NCOR1: variants seen among roughly 807,000 people sequenced by gnomAD.
The protein encoded by NCOR1 is nuclear receptor corepressor 1, also known as protein phosphatase 1, regulatory subunit 109.
In NCOR1, 63 loss-of-function variants were observed where a neutral mutation model predicts 288.1. That is an observed-to-expected ratio of 0.22 (90% CI 0.18 to 0.27). The LOEUF (loss-of-function observed/expected upper bound fraction) is 0.27. Among genes scored for constraint, NCOR1 ranks in the 10% least tolerant of loss-of-function variants. The probability of loss-of-function intolerance (pLI) is 1.00; values close to 1 mark genes in which losing one functional copy is unlikely to be tolerated. For synonymous variants in NCOR1, 1,007 were observed against 1,065.9 expected (o/e 0.94, Z 1.08); for missense variants, 2,397 against 3,019.2 (o/e 0.79, Z 4.83).
intron 1 of NCOR1, chr17:16,198,199 T>C (rs1179854240): frequency 1.3e-5 from 2 of 150,516 alleles, no homozygotes; most frequent in Non-Finnish European, 2.9e-5. Flanking sequence ...CTACTAAAAA[T>C]ACAAAAAAAT....
At chr17:16,117,639 A>T (rs1198245062) in intron 18 of NCOR1, among the ~76,000 whole-genome samples, 1 of 152,038 alleles carries the variant, frequency 6.6e-6, no homozygotes, top group Non-Finnish European at 1.5e-5. Flanking sequence ...CCTGGCCAAC[A>T]TGGTGAAACA....
intron 5 of NCOR1, among the ~76,000 whole-genome samples, chr17:16,164,050 G>C (rs922086771): frequency 6.6e-6 from 1 of 152,058 alleles, no homozygotes; most frequent in African/African-American, 2.4e-5. Context: ...TGATAAAAAT[G>C]TTCTAGAATT....
intron 7 of NCOR1, 143 bp from the exon 8 acceptor site, chr17:16,152,141 TA>T (rs761608602): frequency 9.7e-5 from 50 of 513,646 alleles, no homozygotes; most frequent in South Asian, 7.0e-4. Context: ...TCCAAACTTT[TA>T]TTTTTTTATT....
chr17:16,058,045 A>G lies in NCOR1; in HGVS notation c.6030T>C (p.Tyr2010=). Residue 2010 remains tyrosine (Y), a synonymous_variant, in exon 39 of 46, where the codon TAT becomes TAC. Coordinates refer to ENST00000268712, the MANE Select transcript of NCOR1 (RefSeq NM_006311.4). ...NQAENDPTRQ[Y]EGPLHHYRPQ... is the part of the protein sequence containing the mutation. ...GTCGATAGTGATGTAATGGTCCTTC[A>G]TATTGTCTGGTAGGATCATCTAGGA... is the stretch of plus-strand genomic sequence containing the variant. The G allele has an allele frequency of 6.2e-7, 1 of 1,614,082 alleles. No homozygotes were observed.
intron 1 of NCOR1, among the ~76,000 whole-genome samples, chr17:16,211,775 T>G (rs1179303946): frequency 6.6e-6 from 1 of 152,022 alleles, no homozygotes; most frequent in Non-Finnish European, 1.5e-5. Context: ...AAGAACAGTA[T>G]AAGTGTTCAA....
chr17:16,030,961 A>G lies in NCOR1; in HGVS notation c.*1335T>C. Reference sequence around the variant, plus strand: ...TCTGTTTCTCCCCTTTCCAGTTACCAGTGGCATTCTCCCAAAACTGTTAGT... The same window carrying G: ...TCTGTTTCTCCCCTTTCCAGTTACCGGTGGCATTCTCCCAAAACTGTTAGT... On this transcript the variant is annotated 3_prime_UTR_variant, in exon 46 of 46. Coordinates refer to ENST00000268712, the MANE Select transcript of NCOR1 (RefSeq NM_006311.4). The G allele has an allele frequency of 5.1e-6, 1 of 196,562 alleles. No individual in the cohort carries two copies. Among genetic ancestry groups the G allele is most frequent in the Non-Finnish European group, 1.1e-5 (1 of 94,640 alleles). The allele number at this position is 196,562 out of a possible 1,614,324, so 12.2% of individuals were successfully genotyped here. A position where few individuals can be genotyped will look rare whatever the true frequency, so the allele number is the denominator to read the frequency against.
intron 1 of NCOR1, chr17:16,198,819 TTTAAG>T (rs1483670904): frequency 7.9e-5 from 12 of 152,160 alleles, no homozygotes; most frequent in African/African-American, 2.7e-4. Flanking sequence ...TAAAACATGC[TTTAAG>T]TTATCTATCT....
At chr17:16,051,837 G>A (rs916675511) in intron 40 of NCOR1, among the ~76,000 whole-genome samples, 9 of 152,104 alleles carry the variant, frequency 5.9e-5, no homozygotes, top group African/African-American at 1.9e-4. Flanking sequence ...GCTTGAACCA[G>A]GAGGCAGACG....
intron 18 of NCOR1, among the ~76,000 whole-genome samples, chr17:16,113,127 G>A (rs1280194343): frequency 4.6e-5 from 7 of 151,790 alleles, no homozygotes; most frequent in Admixed American, 4.6e-4. Flanking sequence ...ATGTTAGCCA[G>A]GATGGTCTCG....
chr17:16,169,263 C>CAA (rs1412377811), intron 4 of NCOR1, among the ~76,000 whole-genome samples: 1 of 148,688 alleles, frequency 6.7e-6, no homozygotes, highest in South Asian at 2.1e-4. Flanking sequence ...CAAGGAGCAG[C>CAA]AAAAAAACAA....
At chr17:16,190,500 ATTT>A (rs762563718) in intron 2 of NCOR1, among the ~76,000 whole-genome samples, 2 of 139,716 alleles carry the variant, frequency 1.4e-5, no homozygotes, top group East Asian at 2.1e-4. Flanking sequence ...ACACCCAGCT[ATTT>A]TTTTTTTTTT....
chr17:16,077,632 GGAAAA>G (rs1283116288), intron 26 of NCOR1, among the ~76,000 whole-genome samples: 1 of 148,626 alleles, frequency 6.7e-6, no homozygotes, highest in African/African-American at 2.5e-5. Flanking sequence ...AGGGAGGAAG[GGAAAA>G]GAAAAGAGAA....
chr17:16,112,320 CTTA>C (rs1359920354), intron 18 of NCOR1, among the ~76,000 whole-genome samples: 1 of 152,140 alleles, frequency 6.6e-6, no homozygotes, highest in African/African-American at 2.4e-5. Context: ...CTCTCACATT[CTTA>C]TTATTAACCT....
At chr17:16,119,511 G>A in intron 16 of NCOR1, 26 bp from the exon 17 acceptor site, 1 of 1,513,642 alleles carries the variant, frequency 6.6e-7, no homozygotes, top group South Asian at 1.2e-5. Context: ...AACCCAATCA[G>A]GCAGAGAAAA....
At chr17:16,142,679 A>G (rs2077322343) in intron 11 of NCOR1, among the ~76,000 whole-genome samples, 1 of 152,222 alleles carries the variant, frequency 6.6e-6, no homozygotes, top group Non-Finnish European at 1.5e-5. Flanking sequence ...CTGATCATAA[A>G]TATTTATTAA....
chr17:16,055,960 GA>G (rs1423238191), intron 40 of NCOR1, among the ~76,000 whole-genome samples: 2 of 152,172 alleles, frequency 1.3e-5, no homozygotes, highest in Non-Finnish European at 2.9e-5. Context: ...GGATGAAAAT[GA>G]AACAAAACTC....
At chr17:16,170,779 T>A (rs1367799750) in intron 4 of NCOR1, among the ~76,000 whole-genome samples, 1 of 149,884 alleles carries the variant, frequency 6.7e-6, no homozygotes, top group Non-Finnish European at 1.5e-5. Context: ...AGGCGGAGAT[T>A]GCAGTGAGCC....
intron 45 of NCOR1, 63 bp from the exon 46 acceptor site, chr17:16,032,546 CT>C: frequency 6.9e-7 from 1 of 1,455,308 alleles, no homozygotes; most frequent in South Asian, 1.4e-5. Context: ...TCCAATCCAA[CT>C]TTTGTAGGAT....
At chr17:16,208,049 T>C (rs1261318208) in intron 1 of NCOR1, among the ~76,000 whole-genome samples, 5 of 136,192 alleles carry the variant, frequency 3.7e-5, no homozygotes, top group African/African-American at 1.4e-4. Context: ...TTTTTTTTTT[T>C]TTTTTTTTTT....
Sources: gnomAD v4.1 joint callset for allele counts (sites outside exome capture counted in the v4.1 genomes callset) on GRCh38, gnomAD v4.1.1 for gene constraint, MANE v1.5 for transcripts, NCBI Gene and HGNC (gene_info 2026-07-23, HGNC 2026-07-21) for gene names.